Variants in RNF17 observed in about 807,000 individuals in gnomAD.
RNF17 encodes ring finger protein 17.
RNF17 carries 31 observed loss-of-function variants against 200.5 expected under a neutral mutation model. That is an observed-to-expected ratio of 0.15 (90% CI 0.12 to 0.21). The LOEUF (loss-of-function observed/expected upper bound fraction) is 0.21, where lower values mean the gene tolerates loss of function less well. Among genes scored for constraint, RNF17 ranks in the 10% least tolerant of loss-of-function variants. The pLI is 1.00. For missense variants in RNF17, 1,628 were observed against 1,905.1 expected (o/e 0.85, Z 2.71); for synonymous variants, 606 against 637.8 (o/e 0.95, Z 0.75).
At chr13:24,868,535 A>T in intron 30 of RNF17, 65 bp from the exon 31 acceptor site, 1 of 755,570 alleles carries the variant, frequency 1.3e-6, no homozygotes, top group East Asian at 2.9e-5. Flanking sequence ...CACCATCATG[A>T]ATTTTTATAA....
downstream of RNF17, chr13:24,883,273 G>T (rs760429340): frequency 3.1e-6 from 5 of 1,613,640 alleles, no homozygotes; most frequent in African/African-American, 6.7e-5. Flanking sequence ...TTGCATATAC[G>T]GTTTTAACAG....
intron 16 of RNF17, among the ~76,000 whole-genome samples, chr13:24,829,272 CAT>C (rs914234342): frequency 3.3e-5 from 5 of 152,164 alleles, no homozygotes; most frequent in African/African-American, 9.7e-5. Context: ...GCCATCTTCC[CAT>C]AGTTTCTCCA....
intron 34 of RNF17, among the ~76,000 whole-genome samples, chr13:24,878,183 C>T (rs929956853): frequency 2.6e-5 from 4 of 152,126 alleles, no homozygotes; most frequent in Non-Finnish European, 5.9e-5. Flanking sequence ...CTGGCTATGA[C>T]AAAAATGAGC....
At chr13:24,874,572 C>T (rs901827916) in intron 33 of RNF17, among the ~76,000 whole-genome samples, 17 of 152,054 alleles carry the variant, frequency 1.1e-4, no homozygotes, top group African/African-American at 3.9e-4. Context: ...ACCATCCCGG[C>T]TAATTTTTTT....
intron 18 of RNF17, among the ~76,000 whole-genome samples, chr13:24,833,800 A>G (rs985496151): frequency 1.3e-5 from 2 of 152,242 alleles, no homozygotes; most frequent in African/African-American, 4.8e-5. Flanking sequence ...GTGAACTACC[A>G]CAGCTGAGAA....
intron 15 of RNF17, among the ~76,000 whole-genome samples, chr13:24,807,964 G>A (rs1223178646): frequency 3.3e-5 from 5 of 151,722 alleles, no homozygotes; most frequent in Admixed American, 2.0e-4. Flanking sequence ...GTAGATATGC[G>A]GCGTTATTTC....
At chr13:24,857,507 C>T (rs1236940310) in intron 25 of RNF17, among the ~76,000 whole-genome samples, 1 of 152,150 alleles carries the variant, frequency 6.6e-6, no homozygotes, top group East Asian at 1.9e-4. Flanking sequence ...CTGTGTCTCC[C>T]TTATTTTCCT....
At chr13:24,796,512 A>G (rs2137684868) in intron 11 of RNF17, among the ~76,000 whole-genome samples, 1 of 152,346 alleles carries the variant, frequency 6.6e-6, no homozygotes, top group African/African-American at 2.4e-5. Context: ...AGATATGTAC[A>G]GAAACTCCAT....
intron 18 of RNF17, among the ~76,000 whole-genome samples, chr13:24,834,257 AT>A (rs1170862385): frequency 3.4e-5 from 5 of 149,056 alleles, no homozygotes; most frequent in Non-Finnish European, 5.9e-5. Flanking sequence ...AAATAAAAAA[AT>A]ATATATATTA....
At chr13:24,874,450 C>T (rs1025432462) in intron 33 of RNF17, among the ~76,000 whole-genome samples, 10 of 148,642 alleles carry the variant, frequency 6.7e-5, no homozygotes, top group Admixed American at 2.0e-4. Flanking sequence ...TGCTCTGTTG[C>T]CCAGGCTGGA....
chr13:24,797,030 T>G (rs9511448), intron 11 of RNF17, among the ~76,000 whole-genome samples: 35,061 of 152,096 alleles, frequency 0.23, 4,520 homozygotes, highest in Non-Finnish European at 0.29. Flanking sequence ...AGTAGGATCA[T>G]CATATACTTT....
chr13:24,764,803 T>G (rs980808293), intron 1 of RNF17, among the ~76,000 whole-genome samples: 2 of 151,968 alleles, frequency 1.3e-5, no homozygotes, highest in African/African-American at 2.4e-5. Context: ...TCTGTGGGGG[T>G]TTTTTTGTTT....
At chr13:24,869,181 G>A (rs1337248481) in intron 31 of RNF17, among the ~76,000 whole-genome samples, 2 of 152,166 alleles carry the variant, frequency 1.3e-5, no homozygotes, top group Admixed American at 6.5e-5. Context: ...GGCACCCGGT[G>A]AATATTGATT....
chr13:24,883,389 T>C, downstream of RNF17: 1 of 1,536,584 alleles, frequency 6.5e-7, no homozygotes, highest in Non-Finnish European at 8.8e-7. Flanking sequence ...TTAAAAAAAA[T>C]ATGATTTCTT....
At chr13:24,833,830 C>T (rs1219234804) in intron 18 of RNF17, among the ~76,000 whole-genome samples, 1 of 152,114 alleles carries the variant, frequency 6.6e-6, no homozygotes, top group South Asian at 2.1e-4. Flanking sequence ...GCCATTAATA[C>T]GTGCTGTGTT....
chr13:24,763,703 G>C (rs1879099849), upstream of RNF17, among the ~76,000 whole-genome samples: 1 of 152,114 alleles, frequency 6.6e-6, no homozygotes, highest in Admixed American at 6.5e-5. Context: ...ACAGCAGTTA[G>C]TAATGATGAA....
chr13:24,833,984 A>G (rs2138049511), intron 18 of RNF17, among the ~76,000 whole-genome samples: 1 of 152,358 alleles, frequency 6.6e-6, no homozygotes, highest in East Asian at 1.9e-4. Context: ...TAAAGTTAAC[A>G]CAAGAGATGG....
intron 24 of RNF17, among the ~76,000 whole-genome samples, chr13:24,853,399 C>G (rs1305529509): frequency 6.6e-6 from 1 of 151,702 alleles, no homozygotes; most frequent in African/African-American, 2.4e-5. Context: ...AGCATATTAC[C>G]ACTTAGGTAA....
chr13:24,789,399 T>A lies in RNF17; in HGVS notation c.835T>A (p.Ser279Thr). 6.2e-7 allele frequency: 1 copy of A among 1,605,200 alleles called. No homozygotes were observed. Among genetic ancestry groups the A allele is most frequent in the Non-Finnish European group, 8.5e-7 (1 of 1,173,280 alleles). Reference protein sequence around the residue: ...TSDSELAQVSSPQLRNPPRLS... With the variant: ...TSDSELAQVSTPQLRNPPRLS... ...AGATAGTGAATTAGCACAAGTTAGT[T>A]CTCCACAACTAAGGAACCCTCCCAG... The change falls in exon 8 of 36, where the codon TCT becomes ACT. Residue 279 changes from serine to threonine, a missense_variant. Transcript: ENST00000255324.
Sources: allele counts gnomAD v4.1 joint callset (sites outside exome capture counted in the v4.1 genomes callset), GRCh38; gene constraint gnomAD v4.1.1; transcripts MANE v1.5; gene names NCBI Gene and HGNC (gene_info 2026-07-23, HGNC 2026-07-21).